The following ADRA1B variants were observed in gnomAD, a reference collection of about 807,000 sequenced individuals.
ADRA1B encodes adrenoceptor alpha 1B.
ADRA1B carries 17 observed loss-of-function variants against 17.9 expected under a neutral mutation model. The ratio of observed to expected loss-of-function variants is 0.95; its 90% CI spans 0.65 to 1.42. ADRA1B has a LOEUF of 1.42. Among genes scored for constraint, ADRA1B ranks in the 40% most tolerant of loss-of-function variants. The pLI is 0.00. For missense variants in ADRA1B, 681 were observed against 722.1 expected, an observed-to-expected ratio of 0.94 and a Z score of 0.65; for synonymous variants, 366 against 327.6, an observed-to-expected ratio of 1.12 and a Z score of -1.27.
chr5:159,986,655 C>G, the ADRA1B span, among the ~76,000 whole-genome samples: 1 of 152,170 alleles, frequency 6.6e-6, no homozygotes, highest in South Asian at 2.1e-4. Context: ...AGAAATAAGA[C>G]CCAGTAATCT....
At chr5:159,911,582 G>A (rs1397123709), upstream of ADRA1B, among the ~76,000 whole-genome samples, 2 of 152,180 alleles carry the variant, frequency 1.3e-5, no homozygotes, top group African/African-American at 4.8e-5. Flanking sequence ...AGGGAGTGCT[G>A]TATGACTGGC....
At chr5:159,876,185 C>T (rs1333030436) in intron 1 of ADRA1B, among the ~76,000 whole-genome samples, 1 of 152,174 alleles carries the variant, frequency 6.6e-6, no homozygotes, top group Non-Finnish European at 1.5e-5. Context: ...AAGACTCTGT[C>T]TCAAAAACAA....
rs1288748199 is a variant in ADRA1B, at chr5:159,916,503, T to C, written c.-403T>C. On this transcript the variant is annotated 5_prime_UTR_variant, in exon 1 of 2. Coordinates refer to ENST00000306675, the MANE Select transcript of ADRA1B (RefSeq NM_000679.4). ...GTGCAGTCAGCCCAGAAGCGGCTCATTGAAAGCAGACCCTCTTCGGCGCTC... is the reference window on the plus strand; with the variant it reads ...GTGCAGTCAGCCCAGAAGCGGCTCACTGAAAGCAGACCCTCTTCGGCGCTC... 6.3e-6 allele frequency: 1 copy of C among 157,618 alleles called. No individual in the cohort carries two copies. Among genetic ancestry groups the C allele is most frequent in the East Asian group, 1.9e-4 (1 of 5,332 alleles). The allele number at this position is 157,618 out of a possible 1,614,324, so 9.8% of individuals were successfully genotyped here.
rs1349836718 is a variant in ADRA1B, at chr5:159,916,560, C to T, written c.-346C>T. On this transcript the variant is annotated 5_prime_UTR_variant, in exon 1 of 2. Coordinates refer to ENST00000306675, the MANE Select transcript of ADRA1B (RefSeq NM_000679.4). ...CGGAGGACGCGCCGCGGTCCGCAGACCCGAGCGAGCTGGGCACCGCCGGGC... is the reference window on the plus strand; with the variant it reads ...CGGAGGACGCGCCGCGGTCCGCAGATCCGAGCGAGCTGGGCACCGCCGGGC... 5.2e-6 allele frequency: 1 copy of T among 192,906 alleles called. No homozygotes were observed. The highest frequency in any genetic ancestry group is 2.3e-5 in the African/African-American group (1 of 42,828). 11.9% of individuals were successfully genotyped at this position (192,906 alleles called of 1,614,324 possible). A position where few individuals can be genotyped will look rare whatever the true frequency, so the allele number is the denominator to read the frequency against.
intron 1 of ADRA1B, among the ~76,000 whole-genome samples, chr5:159,892,791 A>G (rs1753998955): frequency 1.3e-5 from 2 of 152,222 alleles, no homozygotes; most frequent in Non-Finnish European, 2.9e-5. Flanking sequence ...GTTTCAGTGA[A>G]CATATGCATG....
chr5:159,959,084 C>G (rs1205772899), intron 1 of ADRA1B, among the ~76,000 whole-genome samples: 1 of 152,242 alleles, frequency 6.6e-6, no homozygotes, highest in African/African-American at 2.4e-5. Context: ...GGGCAAGACA[C>G]AGACCTCATC....
chr5:159,874,154 T>C (rs1419637784), intron 1 of ADRA1B, among the ~76,000 whole-genome samples: 1 of 152,030 alleles, frequency 6.6e-6, no homozygotes, highest in Admixed American at 6.5e-5. Flanking sequence ...CCAGGATGCT[T>C]GGAGAAGTGC....
At chr5:159,883,917 A>G (rs967665734) in intron 1 of ADRA1B, among the ~76,000 whole-genome samples, 4 of 152,214 alleles carry the variant, frequency 2.6e-5, no homozygotes, top group African/African-American at 9.6e-5. Flanking sequence ...TGTTATCTAC[A>G]CTATGAGGCA....
intron 1 of ADRA1B, among the ~76,000 whole-genome samples, chr5:159,946,240 G>A (rs529108434): frequency 6.6e-6 from 1 of 152,292 alleles, no homozygotes; most frequent in African/African-American, 2.4e-5. Flanking sequence ...GATTTACAGA[G>A]AATTCCCTGG....
chr5:159,960,046 C>T (rs571111006), intron 1 of ADRA1B, among the ~76,000 whole-genome samples: 1 of 152,240 alleles, frequency 6.6e-6, no homozygotes, highest in African/African-American at 2.4e-5. Context: ...GAACCCAAGG[C>T]GTTACACGAG....
chr5:159,965,521 G>A (rs1361155018), intron 1 of ADRA1B, among the ~76,000 whole-genome samples: 1 of 152,168 alleles, frequency 6.6e-6, no homozygotes. Flanking sequence ...GCTGCCCAGG[G>A]GAAACGATCC....
At chr5:159,983,324 A>ACCATCCC in the ADRA1B span, among the ~76,000 whole-genome samples, 1 of 151,978 alleles carries the variant, frequency 6.6e-6, no homozygotes, top group African/African-American at 2.4e-5. Context: ...TTTCCTCTCC[A>ACCATCCC]CCATCCCCCA....
chr5:159,913,124 T>G (rs1241174419), upstream of ADRA1B, among the ~76,000 whole-genome samples: 1 of 152,208 alleles, frequency 6.6e-6, no homozygotes, highest in Non-Finnish European at 1.5e-5. Context: ...CAGCTTCCCC[T>G]GGAGGGTTCG....
upstream of ADRA1B, among the ~76,000 whole-genome samples, chr5:159,915,338 A>G (rs78007572): frequency 0.026 from 4,023 of 152,322 alleles, 81 homozygotes; most frequent in Non-Finnish European, 0.036. Context: ...TGAAGAGTGT[A>G]TTCTTTCTCT....
chr5:159,926,557 C>A (rs995326673), intron 1 of ADRA1B, among the ~76,000 whole-genome samples: 1 of 152,126 alleles, frequency 6.6e-6, no homozygotes, highest in African/African-American at 2.4e-5. Flanking sequence ...TCCCACGGCC[C>A]ACCAGATAGG....
intron 1 of ADRA1B, among the ~76,000 whole-genome samples, chr5:159,966,032 C>T (rs1755771178): frequency 6.6e-6 from 1 of 152,020 alleles, no homozygotes; most frequent in Non-Finnish European, 1.5e-5. Flanking sequence ...TCCTTGGCCT[C>T]CCAAAGTGCT....
intron 1 of ADRA1B, among the ~76,000 whole-genome samples, chr5:159,960,773 C>A (rs1327674035): frequency 6.6e-6 from 1 of 151,250 alleles, no homozygotes; most frequent in African/African-American, 2.4e-5. Flanking sequence ...TTCTAACCAG[C>A]ACTCAGGTGC....
intron 1 of ADRA1B, among the ~76,000 whole-genome samples, chr5:159,968,722 C>T (rs2113294682): frequency 6.6e-6 from 1 of 152,252 alleles, no homozygotes; most frequent in African/African-American, 2.4e-5. Flanking sequence ...CGAAACTTTA[C>T]CTCCCTCACT....
At chr5:159,915,028 C>T (rs1235139596), upstream of ADRA1B, among the ~76,000 whole-genome samples, 1 of 152,202 alleles carries the variant, frequency 6.6e-6, no homozygotes, top group East Asian at 1.9e-4. Context: ...TGTAAAGTCT[C>T]AAAGAAACTG....
Sources: gnomAD v4.1 joint callset for allele counts (sites outside exome capture counted in the v4.1 genomes callset) on GRCh38, gnomAD v4.1.1 for gene constraint, MANE v1.5 for transcripts, NCBI Gene and HGNC (gene_info 2026-07-23, HGNC 2026-07-21) for gene names.